Variants in SHISA7 observed in about 807,000 individuals in gnomAD.
SHISA7 encodes shisa family member 7.
A neutral mutation model predicts 23.9 loss-of-function variants in SHISA7; 6 were observed. The observed-to-expected ratio is 0.25, with a 90% CI of 0.14 to 0.50. The LOEUF (loss-of-function observed/expected upper bound fraction) is 0.50, where lower values mean the gene tolerates loss of function less well. SHISA7 is among the 20% of genes least tolerant of loss of function. The pLI, the probability that SHISA7 is intolerant of heterozygous loss-of-function variation, is 0.98. For missense variants in SHISA7, 671 were observed against 801.1 expected (o/e 0.84, Z 1.96); for synonymous variants, 386 against 398.3 (o/e 0.97, Z 0.37).
Position 55,430,165 on chromosome 19 carries a change from G to T in SHISA7, c.*2991C>A, listed in dbSNP as rs1985146137. On this transcript the variant is annotated 3_prime_UTR_variant, in exon 4 of 4. Transcript: ENST00000376325. ...GAGGGGCCTGGGTGCCTCACCGGGG[G>T]GTAAGGTGAGGTTGGCTGAGGCCAC... 3 of 152,372 alleles carry T rather than the reference G, an allele frequency of 2.0e-5. No homozygotes were observed. In the East Asian group the frequency reaches 5.8e-4, roughly 29 times the overall value. The allele number at this position is 152,372 out of a possible 1,614,324, so 9.4% of individuals were successfully genotyped here. A position where few individuals can be genotyped will look rare whatever the true frequency, so the allele number is the denominator to read the frequency against.
chr19:55,436,798 A>G (rs1320191673), intron 3 of SHISA7, among the ~76,000 whole-genome samples: 1 of 152,190 alleles, frequency 6.6e-6, no homozygotes, highest in Non-Finnish European at 1.5e-5. Flanking sequence ...AGTTCCAGCT[A>G]GCCAGGAGGC....
Position 55,442,965 on chromosome 19 carries a change from T to A in SHISA7, c.-102A>T. 1 of 330,198 alleles carries A rather than the reference T, an allele frequency of 3.0e-6. No homozygotes were observed. The highest frequency in any genetic ancestry group is 3.9e-6 in the Non-Finnish European group (1 of 258,796). The allele number at this position is 330,198 out of a possible 1,614,324, so 20.5% of individuals were successfully genotyped here. On this transcript the variant is annotated 5_prime_UTR_variant, in exon 1 of 4. Transcript: ENST00000376325. ...AGAAACGGTCAGAGGGTGAGAAACG[T>A]AGAGATGGGTGGGCAGAGAGGCTGG...
intron 2 of SHISA7, among the ~76,000 whole-genome samples, chr19:55,439,074 A>T (rs1455792849): frequency 6.6e-6 from 1 of 152,022 alleles, no homozygotes; most frequent in Non-Finnish European, 1.5e-5. Flanking sequence ...CTGCCCTTCC[A>T]CTGCTCAACA....
intron 1 of SHISA7, 96 bp downstream of exon 1, chr19:55,442,097 G>A (rs1430739057): frequency 3.2e-6 from 4 of 1,233,126 alleles, no homozygotes; most frequent in Non-Finnish European, 1.1e-6. Context: ...TGACCACCAC[G>A]CCCTATCCCT....
Position 55,440,687 on chromosome 19 carries a change from CG to C in SHISA7, c.749del (p.Pro250ArgfsTer21). ...GCATGCTGTCGGGACCGCCGATCCCCGGGGTCAGGGAGCTGCTTCGGGCCCG... is the reference window on the plus strand; with the variant it reads ...GCATGCTGTCGGGACCGCCGATCCCCGGGTCAGGGAGCTGCTTCGGGCCCG... ...PDRARSSSLT[P>X]GIGGPDSMPP... is the part of the protein sequence containing the mutation. On this transcript the variant is annotated frameshift_variant, in exon 2 of 4. Coordinates refer to ENST00000376325, the MANE Select transcript of SHISA7 (RefSeq NM_001145176.2). LOFTEE classifies it high-confidence loss of function. The C allele has an allele frequency of 8.0e-7, 1 of 1,249,684 alleles. No homozygotes were observed. The highest frequency in any genetic ancestry group is 1.0e-6 in the Non-Finnish European group (1 of 988,410). 77.4% of individuals were successfully genotyped at this position (1,249,684 alleles called of 1,614,324 possible).
intron 2 of SHISA7, 149 bp downstream of exon 2, chr19:55,440,462 G>A (rs977900247): frequency 8.1e-6 from 6 of 739,430 alleles, no homozygotes; most frequent in African/African-American, 1.8e-5. Context: ...TCCGCCTTTC[G>A]CAGGGCAGGA....
chr19:55,432,828 G>T lies in SHISA7; in HGVS notation c.*328C>A. 3.5e-6 allele frequency: 1 copy of T among 282,578 alleles called. No individual in the cohort carries two copies. The highest frequency in any genetic ancestry group is 6.7e-6 in the Non-Finnish European group (1 of 150,068). 17.5% of individuals were successfully genotyped at this position (282,578 alleles called of 1,614,324 possible). A position where few individuals can be genotyped will look rare whatever the true frequency, so the allele number is the denominator to read the frequency against. On this transcript the variant is annotated 3_prime_UTR_variant, in exon 4 of 4. Coordinates refer to ENST00000376325, the MANE Select transcript of SHISA7 (RefSeq NM_001145176.2). This position sits in a 1 kb window ranked among gnomAD's most constrained non-coding sequence, Gnocchi z 4.6. Reference sequence around the variant, plus strand: ...ACATGGCCTCCAGCGCTGACCTCACGGGCCGGCCTCTTCCTCTGTGATGAC... The same window carrying T: ...ACATGGCCTCCAGCGCTGACCTCACTGGCCGGCCTCTTCCTCTGTGATGAC...
At chr19:55,442,163 C>A (rs774813094) in intron 1 of SHISA7, 30 bp downstream of exon 1, 1 of 1,519,572 alleles carries the variant, frequency 6.6e-7, no homozygotes, top group South Asian at 1.2e-5. Context: ...GCCCCAGGCT[C>A]GCAGTCCTCC....
chr19:55,438,019 C>G (rs140259272), intron 2 of SHISA7, among the ~76,000 whole-genome samples: 1,882 of 143,492 alleles, frequency 0.013, 63 homozygotes, highest in African/African-American at 0.047. Context: ...CCTCCTCCCT[C>G]AGACCCAGGC....
rs1985157445 is a variant in SHISA7, at chr19:55,430,495, G to T, written c.*2661C>A. ...CTGGGATGACACCAGGGTTATGGTG[G>T]ATCCTAGTGGGTGGTGACAGCACTG... On this transcript the variant is annotated 3_prime_UTR_variant, in exon 4 of 4. Coordinates refer to ENST00000376325, the MANE Select transcript of SHISA7 (RefSeq NM_001145176.2). 6.6e-6 allele frequency: 1 copy of T among 152,214 alleles called. No individual in the cohort carries two copies. The highest frequency in any genetic ancestry group is 1.5e-5 in the Non-Finnish European group (1 of 68,060). 9.4% of individuals were successfully genotyped at this position (152,214 alleles called of 1,614,324 possible).
rs1985519777 is a variant in SHISA7, at chr19:55,438,445, T to C, written c.827-691A>G. The C allele has an allele frequency of 7.6e-6, 7 of 919,720 alleles. No individual in the cohort carries two copies. The Admixed American group carries it at 1.7e-4, about 23-fold the overall frequency. The allele number at this position is 919,720 out of a possible 1,614,324, so 57.0% of individuals were successfully genotyped here. ...GCCAGACCATGAGCGCCATGAGGAC[T>C]GGGCTCACAGGGGTCTCACTCCTGC... On this transcript the variant is annotated intron_variant, in intron 2 of 3. Coordinates refer to ENST00000376325, the MANE Select transcript of SHISA7 (RefSeq NM_001145176.2).
At chr19:55,438,903 AG>A (rs1985531768) in intron 2 of SHISA7, among the ~76,000 whole-genome samples, 1 of 151,754 alleles carries the variant, frequency 6.6e-6, no homozygotes, top group African/African-American at 2.4e-5. Context: ...TAGAGATCTG[AG>A]GGGGTCGCCT....
At position 55,442,419 on chromosome 19, in the gene SHISA7, C is replaced by T; in HGVS notation, c.445G>A (p.Gly149Ser). ...TPPPLAGGAG[G>S]AGGAGGGPGP... ...GGCCCCCCGCCCGCACCCCCAGCGC[C>T]CCCGGCGCCCCCAGCTAGCGGCGGC... Residue 149 changes from glycine (G) to serine (S), a missense_variant, in exon 1 of 4, where the codon GGC becomes AGC. Gly to Ser is a moderately conservative substitution (Grantham distance 56). Coordinates refer to ENST00000376325, the MANE Select transcript of SHISA7 (RefSeq NM_001145176.2). The T allele has an allele frequency of 2.1e-6, 3 of 1,409,776 alleles. No homozygotes were observed. Among genetic ancestry groups the T allele is most frequent in the Non-Finnish European group, 2.8e-6 (3 of 1,079,530 alleles). 87.3% of individuals were successfully genotyped at this position (1,409,776 alleles called of 1,614,324 possible).
rs1391364084 is a variant in SHISA7 at position 55,429,710 on chromosome 19, A to G, written c.*3446T>C. 1.3e-5 allele frequency: 2 copies of G among 152,044 alleles called. No homozygotes were observed. The highest frequency in any genetic ancestry group is 1.9e-4 in the East Asian group (1 of 5,158). The allele number at this position is 152,044 out of a possible 1,614,324, so 9.4% of individuals were successfully genotyped here. A position where few individuals can be genotyped will look rare whatever the true frequency, so the allele number is the denominator to read the frequency against. On this transcript the variant is annotated 3_prime_UTR_variant, in exon 4 of 4. Transcript: ENST00000376325. ...GAATGGCCGCCCCCGCAACATGGCT[A>G]TGTACAAAGAGAATTGAGGGAAGAT...
Position 55,442,618 on chromosome 19 carries a change from GC to G in SHISA7, c.245del (p.Cys82SerfsTer62). The G allele has an allele frequency of 7.1e-7, 1 of 1,400,938 alleles. No homozygotes were observed. The highest frequency in any genetic ancestry group is 9.4e-7 in the Non-Finnish European group (1 of 1,063,110). The allele number at this position is 1,400,938 out of a possible 1,614,324, so 86.8% of individuals were successfully genotyped here. A position where few individuals can be genotyped will look rare whatever the true frequency, so the allele number is the denominator to read the frequency against. On this transcript the variant is annotated frameshift_variant, in exon 1 of 4. Transcript: ENST00000376325. LOFTEE classifies it high-confidence loss of function. Reference sequence around the variant, plus strand: ...GGCCCATGACATCGTAGTAGCCGTGGCAGAGCTCGGCGGGAGGGGGCGCCCG... The same window carrying G: ...GGCCCATGACATCGTAGTAGCCGTGGAGAGCTCGGCGGGAGGGGGCGCCCG... ...AARAPPPAEL[C>X]HGYYDVMGQY...
intron 3 of SHISA7, among the ~76,000 whole-genome samples, chr19:55,435,398 TGG>T (rs1235828879): frequency 8.7e-5 from 7 of 80,008 alleles, no homozygotes; most frequent in Non-Finnish European, 1.8e-4. Context: ...TGTGTGTGTG[TGG>T]GTGTGTGTTG....
chr19:55,437,647 C>T lies in SHISA7; in HGVS notation c.934G>A (p.Val312Met). Residue 312 changes from valine to methionine, a missense_variant, in exon 3 of 4, where the codon GTG becomes ATG. By Grantham distance (21) the Val-to-Met change is conservative. Around this residue, in one of 5 missense-constraint regions of SHISA7, gnomAD observed 457 missense variants for 488.3 expected, o/e 0.94. Coordinates refer to ENST00000376325, the MANE Select transcript of SHISA7 (RefSeq NM_001145176.2). ...GAGTAGCGGTTCAGCTCGGATTTCA[C>T]GGCAGCCTCGTAGGACGGGGGCAGA... ...SHLPPSYEAAVKSELNRYSSL... is the reference protein window; with the variant it reads ...SHLPPSYEAAMKSELNRYSSL... 1 of 1,551,520 alleles carries T rather than the reference C, an allele frequency of 6.4e-7. No individual in the cohort carries two copies. Among genetic ancestry groups the T allele is most frequent in the South Asian group, 1.2e-5 (1 of 84,058 alleles).
chr19:55,433,738 G>A lies in SHISA7; in HGVS notation c.1035C>T (p.Gly345=), dbSNP rs1469086830. ...GCCGCAGCGCGTGCAGGGGCAGCGTGCCGCGGGGCAATTCCAGGGGCCGGC... is the reference window on the plus strand; with the variant it reads ...GCCGCAGCGCGTGCAGGGGCAGCGTACCGCGGGGCAATTCCAGGGGCCGGC... ...LKRRPLELPR[G]TLPLHALRRP... Residue 345 remains glycine (G), a synonymous_variant, in exon 4 of 4, where the codon GGC becomes GGT. Coordinates refer to ENST00000376325, the MANE Select transcript of SHISA7 (RefSeq NM_001145176.2). The surrounding 1 kb of genome is among the most constrained non-coding windows in gnomAD (Gnocchi z 8.4). 3.4e-6 allele frequency: 5 copies of A among 1,465,008 alleles called. No individual in the cohort carries two copies. The highest frequency in any genetic ancestry group is 3.6e-6 in the Non-Finnish European group (4 of 1,117,222). 90.8% of individuals were successfully genotyped at this position (1,465,008 alleles called of 1,614,324 possible).
Position 55,433,495 on chromosome 19 carries a change from C to A in SHISA7, c.1278G>T (p.Glu426Asp). ...GGCTGCGCGGGGGCGACAGCAGGTGCTCGCGACTCTGGCGCAGGGCCTCGG... is the reference window on the plus strand; with the variant it reads ...GGCTGCGCGGGGGCGACAGCAGGTGATCGCGACTCTGGCGCAGGGCCTCGG... The part of the protein sequence containing the change: ...SSPEALRQSR[E>D]HLLSPPRSPA... The change falls in exon 4 of 4, where the codon GAG (glutamate) becomes GAT (aspartate). Residue 426 changes from glutamate (E) to aspartate (D), a missense_variant. Coordinates refer to ENST00000376325, the MANE Select transcript of SHISA7 (RefSeq NM_001145176.2). This position sits in a 1 kb window ranked among gnomAD's most constrained non-coding sequence, Gnocchi z 8.4. 6.9e-7 allele frequency: 1 copy of A among 1,452,368 alleles called. No homozygotes were observed. Among genetic ancestry groups the A allele is most frequent in the Non-Finnish European group, 9.0e-7 (1 of 1,109,356 alleles). 90.0% of individuals were successfully genotyped at this position (1,452,368 alleles called of 1,614,324 possible).
Sources: allele counts gnomAD v4.1 joint callset (sites outside exome capture counted in the v4.1 genomes callset), GRCh38; gene constraint gnomAD v4.1.1; regional missense constraint gnomAD v4.1.1; non-coding constraint Gnocchi (gnomAD v3.1); transcripts MANE v1.5; gene names NCBI Gene and HGNC (gene_info 2026-07-23, HGNC 2026-07-21).